FAM13A: variants seen among roughly 807,000 people sequenced by gnomAD.
FAM13A encodes the protein protein FAM13A.
FAM13A carries 76 observed loss-of-function variants against 129.6 expected under a neutral mutation model. The observed-to-expected ratio is 0.59, with a 90% CI of 0.49 to 0.71. FAM13A has a LOEUF of 0.71. Ranked by LOEUF, FAM13A falls within the 30% of genes least tolerant of loss-of-function variation. The probability of loss-of-function intolerance (pLI) is 0.00; values close to 1 mark genes in which losing one functional copy is unlikely to be tolerated. For missense variants in FAM13A, 1,108 were observed against 1,249.3 expected (o/e 0.89, Z 1.70); for synonymous variants, 443 against 449.9 (o/e 0.98, Z 0.20).
chr4:88,733,319 C>T (rs936245473), intron 21 of FAM13A, among the ~76,000 whole-genome samples: 1 of 152,190 alleles, frequency 6.6e-6, no homozygotes, highest in African/African-American at 2.4e-5. Context: ...TAACTGATAT[C>T]AAAGTATTGC....
intron 5 of FAM13A, among the ~76,000 whole-genome samples, chr4:88,936,021 C>T (rs1290920672): frequency 3.9e-5 from 6 of 152,056 alleles, no homozygotes; most frequent in Non-Finnish European, 8.8e-5. Context: ...GCCTCTAGGC[C>T]GATCTGAAAC....
At position 88,899,198 on chromosome 4, in the gene FAM13A, A is replaced by G. The variant is rs186693109; in HGVS notation, c.843+7181T>C. On this transcript the variant is annotated intron_variant, in intron 6 of 23. Coordinates refer to ENST00000264344, the MANE Select transcript of FAM13A (RefSeq NM_014883.4). ...GAATGGATTAATGGCATTTGCAGCA[A>G]CGTGGATGAGACTGGAGACTATTAT... is the stretch of plus-strand genomic sequence containing the variant. Among the ~76,000 whole-genome samples the G allele has an allele frequency of 2.6e-3, 402 of 152,234 alleles. 2 individuals are homozygous for G. Among genetic ancestry groups the G allele is most frequent in the African/African-American group, 9.5e-3 (393 of 41,550 alleles).
At chr4:89,016,777 G>C (rs1284279041) in intron 3 of FAM13A, among the ~76,000 whole-genome samples, 1 of 152,092 alleles carries the variant, frequency 6.6e-6, no homozygotes, top group Admixed American at 6.5e-5. Context: ...TGGGACTACA[G>C]GTGCATGCCT....
At chr4:89,052,595 A>G (rs562429202) in intron 1 of FAM13A, among the ~76,000 whole-genome samples, 4 of 151,744 alleles carry the variant, frequency 2.6e-5, no homozygotes, top group African/African-American at 9.7e-5. Context: ...GAGGATTTTT[A>G]AACTGCCTTT....
intron 7 of FAM13A, among the ~76,000 whole-genome samples, chr4:88,807,313 T>C (rs1728761152): frequency 6.6e-6 from 1 of 152,190 alleles, no homozygotes; most frequent in Non-Finnish European, 1.5e-5. Context: ...AATACTTTTT[T>C]CCTTTCATCT....
At chr4:88,968,967 T>C (rs1274661556) in intron 4 of FAM13A, among the ~76,000 whole-genome samples, 1 of 152,208 alleles carries the variant, frequency 6.6e-6, no homozygotes, top group African/African-American at 2.4e-5. Context: ...TGTAAGGAAA[T>C]TAAATACTAA....
chr4:88,755,502 A>G (rs748064345), intron 14 of FAM13A, among the ~76,000 whole-genome samples: 2 of 152,234 alleles, frequency 1.3e-5, no homozygotes, highest in Non-Finnish European at 2.9e-5. Context: ...GATAAGCAGC[A>G]GAGCCAGGAT....
intron 23 of FAM13A, 39 bp from the exon 24 acceptor site, chr4:88,728,698 T>A (rs1226323235): frequency 6.2e-7 from 1 of 1,612,346 alleles, no homozygotes; most frequent in East Asian, 2.2e-5. Context: ...GAGGATCATT[T>A]TCTGTCTTTG....
At chr4:88,746,170 G>A (rs1056723758) in intron 19 of FAM13A, among the ~76,000 whole-genome samples, 1 of 152,130 alleles carries the variant, frequency 6.6e-6, no homozygotes, top group Admixed American at 6.5e-5. Flanking sequence ...CCTAAACTTC[G>A]TGCTTCCTTA....
intron 10 of FAM13A, among the ~76,000 whole-genome samples, chr4:88,782,295 G>A (rs1723105621): frequency 6.6e-6 from 1 of 150,634 alleles, no homozygotes; most frequent in South Asian, 2.1e-4. Flanking sequence ...AGCAAACTGA[G>A]TTAAAAAAAA....
At chr4:88,857,265 T>A (rs1189953651) in intron 6 of FAM13A, among the ~76,000 whole-genome samples, 2 of 152,198 alleles carry the variant, frequency 1.3e-5, no homozygotes, top group Non-Finnish European at 2.9e-5. Context: ...TATTTTAGCA[T>A]AACTCAATTT....
intron 6 of FAM13A, among the ~76,000 whole-genome samples, chr4:88,904,244 T>G (rs1430120804): frequency 6.6e-6 from 1 of 152,202 alleles, no homozygotes; most frequent in African/African-American, 2.4e-5. Flanking sequence ...AAATACCATA[T>G]GACCCAGCAA....
chr4:88,906,571 G>A, intron 5 of FAM13A, 109 bp from the exon 6 acceptor site: 7 of 715,280 alleles, frequency 9.8e-6, no homozygotes, highest in South Asian at 3.6e-5. Flanking sequence ...TCTGGATTGA[G>A]TTGTTCACAT....
At chr4:89,016,100 T>C (rs1054797441) in intron 3 of FAM13A, among the ~76,000 whole-genome samples, 8 of 152,004 alleles carry the variant, frequency 5.3e-5, no homozygotes, top group African/African-American at 1.9e-4. Context: ...AGACTTTCCA[T>C]TGGAACAAGA....
intron 3 of FAM13A, among the ~76,000 whole-genome samples, chr4:88,994,535 G>A (rs977623596): frequency 1.3e-5 from 2 of 152,160 alleles, no homozygotes; most frequent in South Asian, 4.1e-4. Flanking sequence ...TGACGCTTGC[G>A]AGAAAGAAGG....
chr4:89,025,759 G>C (rs959962549), intron 2 of FAM13A, among the ~76,000 whole-genome samples: 2 of 152,150 alleles, frequency 1.3e-5, no homozygotes, highest in South Asian at 2.1e-4. Flanking sequence ...ATTCAGAACA[G>C]TGTGCAATAT....
At chr4:89,051,015 T>C (rs933066503) in intron 1 of FAM13A, among the ~76,000 whole-genome samples, 1 of 152,128 alleles carries the variant, frequency 6.6e-6, no homozygotes, top group Non-Finnish European at 1.5e-5. Context: ...CTAAGAAAAT[T>C]TGATTCTACT....
At chr4:89,040,610 T>C (rs1328649452) in intron 1 of FAM13A, among the ~76,000 whole-genome samples, 3 of 152,204 alleles carry the variant, frequency 2.0e-5, no homozygotes, top group East Asian at 1.9e-4. Flanking sequence ...AGTTTGAATC[T>C]TGGTTTTGCC....
intron 5 of FAM13A, among the ~76,000 whole-genome samples, chr4:88,916,469 G>A (rs898743349): frequency 4.6e-5 from 7 of 152,186 alleles, no homozygotes; most frequent in African/African-American, 1.7e-4. Context: ...AGGTGTCCAT[G>A]TGTTGCTCTG....
Sources: allele counts gnomAD v4.1 joint callset (sites outside exome capture counted in the v4.1 genomes callset), GRCh38; gene constraint gnomAD v4.1.1; transcripts MANE v1.5; gene names NCBI Gene and HGNC (gene_info 2026-07-23, HGNC 2026-07-21).